The following CEP128 variants were observed in gnomAD, a reference collection of about 807,000 sequenced individuals.
CEP128 encodes centrosomal protein 128.
CEP128 carries 132 observed loss-of-function variants against 156.7 expected under a neutral mutation model. The observed-to-expected ratio is 0.84, with a 90% confidence interval of 0.73 to 0.97. The LOEUF (loss-of-function observed/expected upper bound fraction) is 0.97, where lower values mean the gene tolerates loss of function less well. Among genes scored for constraint, CEP128 ranks in the 50% least tolerant of loss-of-function variants. The pLI is 0.00. For synonymous variants in CEP128, 469 were observed against 448.9 expected, an observed-to-expected ratio of 1.04 and a Z score of -0.57; for missense variants, 1,252 against 1,281.9, an observed-to-expected ratio of 0.98 and a Z score of 0.36.
intron 2 of CEP128, among the ~76,000 whole-genome samples, chr14:80,953,194 T>G (rs1027822963): frequency 3.3e-5 from 5 of 152,088 alleles, no homozygotes; most frequent in African/African-American, 4.8e-5. Context: ...ACAAAGAAGT[T>G]ACAGAAAAGA....
intron 21 of CEP128, among the ~76,000 whole-genome samples, chr14:80,549,000 G>A (rs752481303): frequency 3.9e-5 from 6 of 152,164 alleles, no homozygotes; most frequent in Non-Finnish European, 5.9e-5. Context: ...TTTTTTAGCA[G>A]TATTTTCTAC....
At chr14:80,623,074 G>A (rs1381798337) in intron 19 of CEP128, among the ~76,000 whole-genome samples, 5 of 151,706 alleles carry the variant, frequency 3.3e-5, no homozygotes, top group African/African-American at 4.8e-5. Context: ...GTCCAACAAT[G>A]ACAGACTGGA....
intron 19 of CEP128, among the ~76,000 whole-genome samples, chr14:80,637,143 TA>T (rs1369646713): frequency 6.6e-6 from 1 of 151,766 alleles, no homozygotes; most frequent in Middle Eastern, 3.2e-3. Context: ...CCAGCCTGCT[TA>T]AAACCCTGCA....
At chr14:80,806,562 C>A (rs779171433) in intron 13 of CEP128, among the ~76,000 whole-genome samples, 8 of 152,116 alleles carry the variant, frequency 5.3e-5, no homozygotes, top group Non-Finnish European at 1.0e-4. Flanking sequence ...AATACTGCAA[C>A]TCTGATGTTT....
upstream of CEP128, chr14:80,942,398 T>C (rs1886204504): frequency 6.6e-6 from 1 of 152,154 alleles, no homozygotes; most frequent in African/African-American, 2.4e-5. Flanking sequence ...ATAAAAGAAA[T>C]GTTTTCCACT....
downstream of CEP128, among the ~76,000 whole-genome samples, chr14:80,496,236 A>T (rs1335238695): frequency 6.6e-6 from 1 of 152,176 alleles, no homozygotes; most frequent in Non-Finnish European, 1.5e-5. Context: ...GATTTTTGAA[A>T]TGCATACATG....
At chr14:80,710,059 A>G (rs1009624109) in intron 19 of CEP128, among the ~76,000 whole-genome samples, 2 of 151,300 alleles carry the variant, frequency 1.3e-5, no homozygotes, top group Admixed American at 6.6e-5. Flanking sequence ...CCTTTTGAGG[A>G]TATGAGGATA....
At chr14:80,817,509 T>C (rs1451081848) in intron 13 of CEP128, among the ~76,000 whole-genome samples, 4 of 152,154 alleles carry the variant, frequency 2.6e-5, no homozygotes, top group Non-Finnish European at 4.4e-5. Context: ...TCTCATCTAA[T>C]AGCAATATCA....
chr14:80,838,134 G>T, intron 11 of CEP128, 70 bp downstream of exon 11: 1 of 1,069,744 alleles, frequency 9.3e-7, no homozygotes, highest in Non-Finnish European at 1.4e-6. Flanking sequence ...CTTTCACAAA[G>T]ACATTTAAAT....
At position 80,714,162 on chromosome 14, in the gene CEP128, T is replaced by C. The variant is rs147480823; in HGVS notation, c.2806+28913A>G. 2.1e-3 allele frequency among the ~76,000 whole-genome samples: 322 copies of C among 152,334 alleles called. 2 individuals are homozygous for C. Among genetic ancestry groups the C allele is most frequent in the African/African-American group, 7.4e-3 (308 of 41,586 alleles). Reference sequence around the variant, plus strand: ...TATCAAAATGTAAATTTCAGACATCTAATTGTATGATATTCCACTCACTAA... The same window carrying C: ...TATCAAAATGTAAATTTCAGACATCCAATTGTATGATATTCCACTCACTAA... On this transcript the variant is annotated intron_variant, in intron 19 of 24. Coordinates refer to ENST00000555265, the MANE Select transcript of CEP128 (RefSeq NM_152446.5).
At chr14:80,608,253 G>C (rs1291783190) in intron 19 of CEP128, among the ~76,000 whole-genome samples, 1 of 151,944 alleles carries the variant, frequency 6.6e-6, no homozygotes, top group East Asian at 1.9e-4. Flanking sequence ...TTGTCTTTTC[G>C]CCTCCACTAG....
intron 19 of CEP128, among the ~76,000 whole-genome samples, chr14:80,698,327 GAA>G (rs1337683241): frequency 6.6e-6 from 1 of 151,928 alleles, no homozygotes; most frequent in Admixed American, 6.6e-5. Context: ...TCACCAAGTA[GAA>G]TCCCTAAACA....
intron 15 of CEP128, among the ~76,000 whole-genome samples, chr14:80,779,260 G>A (rs759547509): frequency 6.6e-6 from 1 of 152,014 alleles, no homozygotes; most frequent in African/African-American, 2.4e-5. Flanking sequence ...ATATAGGAAC[G>A]CAATCAATGG....
chr14:80,720,318 C>T (rs1156647743), intron 19 of CEP128, among the ~76,000 whole-genome samples: 1 of 152,018 alleles, frequency 6.6e-6, no homozygotes, highest in Non-Finnish European at 1.5e-5. Context: ...CCTAAGTGCA[C>T]GGTCCATTGA....
intron 6 of CEP128, among the ~76,000 whole-genome samples, chr14:80,491,084 C>A (rs1329462286): frequency 6.6e-6 from 1 of 152,216 alleles, no homozygotes; most frequent in Non-Finnish European, 1.5e-5. Flanking sequence ...TACGTATCTT[C>A]CTCACAAAAC....
chr14:80,658,263 G>A lies in CEP128; in HGVS notation c.2807-77840C>T, dbSNP rs561316288. On this transcript the variant is annotated intron_variant, in intron 19 of 24. Coordinates refer to ENST00000555265, the MANE Select transcript of CEP128 (RefSeq NM_152446.5). Reference sequence around the variant, plus strand: ...GGGGATATAGAAAATGATAGGGAGAGGAAATTGGTTTTGAGTCTCCTTAGA... The same window carrying A: ...GGGGATATAGAAAATGATAGGGAGAAGAAATTGGTTTTGAGTCTCCTTAGA... Among the ~76,000 whole-genome samples, 3 of 152,300 alleles carry A rather than the reference G, an allele frequency of 2.0e-5. No homozygotes were observed. In the South Asian group the frequency reaches 6.2e-4, roughly 32 times the overall value.
chr14:80,577,333 G>A (rs1175746609), intron 20 of CEP128, among the ~76,000 whole-genome samples: 2 of 152,096 alleles, frequency 1.3e-5, no homozygotes, highest in Non-Finnish European at 2.9e-5. Context: ...CACCTTCTGA[G>A]CTCCAGACTC....
At chr14:80,694,084 A>G (rs181097000) in intron 19 of CEP128, among the ~76,000 whole-genome samples, 6 of 152,352 alleles carry the variant, frequency 3.9e-5, no homozygotes, top group Admixed American at 2.0e-4. Flanking sequence ...AAACCCATCA[A>G]AAAATGGGTG....
chr14:80,728,123 G>T (rs1358136267), intron 19 of CEP128, among the ~76,000 whole-genome samples: 3 of 151,904 alleles, frequency 2.0e-5, no homozygotes, highest in Non-Finnish European at 4.4e-5. Flanking sequence ...TGGTGGACTG[G>T]ATCAAAAAAA....
Sources: allele counts gnomAD v4.1 joint callset (sites outside exome capture counted in the v4.1 genomes callset), GRCh38; gene constraint gnomAD v4.1.1; transcripts MANE v1.5; gene names NCBI Gene and HGNC (gene_info 2026-07-23, HGNC 2026-07-21).